INTS6L: variants seen among roughly 807,000 people sequenced by gnomAD.
The protein encoded by INTS6L is integrator complex subunit 6-like.
A neutral mutation model predicts 64.7 loss-of-function variants in INTS6L; 18 were observed. That is an observed-to-expected ratio of 0.28 (90% CI 0.19 to 0.41). INTS6L has a LOEUF of 0.41. Ranked by LOEUF, INTS6L falls within the 10% of genes least tolerant of loss-of-function variation. The probability of loss-of-function intolerance (pLI) is 1.00; values close to 1 mark genes in which losing one functional copy is unlikely to be tolerated. For missense variants in INTS6L, 533 were observed against 661.0 expected, an observed-to-expected ratio of 0.81 and a Z score of 2.12; for synonymous variants, 227 against 235.9, an observed-to-expected ratio of 0.96 and a Z score of 0.34.
At chrX:135,560,123 C>T (rs782467606) in intron 9 of INTS6L, among the ~76,000 whole-genome samples, 4 of 112,359 alleles carry the variant, frequency 3.6e-5, no homozygotes, top group Non-Finnish European at 5.6e-5. Context: ...TTTCCACTTA[C>T]AAATACGGTG....
chrX:135,572,876 G>T lies in INTS6L; in HGVS notation c.1460G>T (p.Gly487Val). The T allele has an allele frequency of 8.3e-7, 1 of 1,211,318 alleles. No homozygotes were observed. Among genetic ancestry groups the T allele is most frequent in the Non-Finnish European group, 1.1e-6 (1 of 895,378 alleles). The change falls in exon 12 of 18, where the codon GGA becomes GTA. Residue 487 changes from glycine to valine, a missense_variant. Gly to Val is a moderately radical substitution (Grantham distance 109). Transcript: ENST00000639893. ...GGGAAGAAACCTCCCCAGGAAATTG[G>T]AATTAAAGTGAAAAATCATTCTGGA... ...SVGKKPPQEI[G>V]IKVKNHSGGG...
At chrX:135,553,269 G>A in intron 8 of INTS6L, among the ~76,000 whole-genome samples, 1 of 110,437 alleles carries the variant, frequency 9.1e-6, no homozygotes. Context: ...GGAGATGTCT[G>A]GTTTTGTTCT....
At position 135,562,955 on chromosome X, in the gene INTS6L, T is replaced by G. The variant is rs181905932; in HGVS notation, c.1193-6382T>G. Among the ~76,000 whole-genome samples, 3 of 112,146 alleles carry G rather than the reference T, an allele frequency of 2.7e-5. No individual in the cohort carries two copies. The East Asian group carries it at 8.3e-4, about 31-fold the overall frequency. ...AATCTTTGTTTTCTAATTGATGTATTTAGATATCTGCATTTAATGTGATTA... is the reference window on the plus strand; with the variant it reads ...AATCTTTGTTTTCTAATTGATGTATGTAGATATCTGCATTTAATGTGATTA... On this transcript the variant is annotated intron_variant, in intron 9 of 17. Transcript: ENST00000639893.
chrX:135,529,105 T>A (rs184005382), intron 2 of INTS6L, among the ~76,000 whole-genome samples: 18 of 112,101 alleles, frequency 1.6e-4, no homozygotes, highest in Non-Finnish European at 3.2e-4. Flanking sequence ...TGTGAATGAA[T>A]GTAACTGCAG....
At chrX:135,552,889 A>G (rs189014859) in intron 8 of INTS6L, among the ~76,000 whole-genome samples, 73 of 112,474 alleles carry the variant, frequency 6.5e-4, no homozygotes, top group African/African-American at 2.2e-3. Context: ...CTATTAATAT[A>G]TAGGACTCTA....
Position 135,539,098 on chromosome X carries a change from C to T in INTS6L, c.190-6325C>T, listed in dbSNP as rs952749222. Among the ~76,000 whole-genome samples the T allele has an allele frequency of 5.3e-5, 6 of 112,194 alleles. No individual in the cohort carries two copies. The Admixed American group carries it at 5.7e-4, about 11-fold the overall frequency. Reference sequence around the variant, plus strand: ...GCTGCATTAGCCTCTAACAAAAAGTCAGCCTGTCCTTTGAGGCTTTGAAGT... The same window carrying T: ...GCTGCATTAGCCTCTAACAAAAAGTTAGCCTGTCCTTTGAGGCTTTGAAGT... On this transcript the variant is annotated intron_variant, in intron 2 of 17. Transcript: ENST00000639893.
Position 135,535,284 on chromosome X carries a change from A to G in INTS6L, c.190-10139A>G, listed in dbSNP as rs146224305. On this transcript the variant is annotated intron_variant, in intron 2 of 17. Transcript: ENST00000639893. ...CTTTATAGGTGTGCTAGCTGTAAAA[A>G]TCATTTTACAAAGATATTTCAACAG... 5.5e-3 allele frequency among the ~76,000 whole-genome samples: 617 copies of G among 112,325 alleles called. 3 individuals are homozygous for G. Among genetic ancestry groups the G allele is most frequent in the African/African-American group, 0.018 (550 of 30,912 alleles).
chrX:135,555,719 C>T lies in INTS6L; in HGVS notation c.1060-449C>T, dbSNP rs373531038. Among the ~76,000 whole-genome samples the T allele has an allele frequency of 4.5e-5, 5 of 111,429 alleles. No homozygotes were observed. The South Asian group carries it at 1.9e-3, about 42-fold the overall frequency. On this transcript the variant is annotated intron_variant, in intron 8 of 17. Coordinates refer to ENST00000639893, the MANE Select transcript of INTS6L (RefSeq NM_001351601.3). ...TAGGATTTTTTTTGAGACAGGGTCT[C>T]GCTCTGTCACCCAGGGTGGAGCGCA...
intron 8 of INTS6L, among the ~76,000 whole-genome samples, chrX:135,555,087 CCATGTTGGCCAGGCTGGT>C (rs2086613659): frequency 9.1e-6 from 1 of 109,458 alleles, no homozygotes; most frequent in African/African-American, 3.3e-5. Flanking sequence ...TGGGGTTTCA[CCATGTTGGCCAGGCTGGT>C]CTGGAACTCC....
At chrX:135,546,301 C>A in intron 3 of INTS6L, 79 bp from the exon 4 acceptor site, 1 of 613,062 alleles carries the variant, frequency 1.6e-6, no homozygotes, top group Non-Finnish European at 2.3e-6. Flanking sequence ...CTTGAGAGAT[C>A]ATTGGCAAGG....
At chrX:135,572,440 C>T (rs1404946397) in intron 11 of INTS6L, 3 of 125,410 alleles carry the variant, frequency 2.4e-5, no homozygotes, top group African/African-American at 6.5e-5. Flanking sequence ...CTAGTTTACA[C>T]GTATAAATAC....
chrX:135,575,792 GTGTGTGTGTGTGTGTGTA>G, intron 14 of INTS6L, among the ~76,000 whole-genome samples: 1 of 108,126 alleles, frequency 9.2e-6, no homozygotes, highest in African/African-American at 3.4e-5. Flanking sequence ...GGGAGTGTGT[GTGTGTGTGTGTGTGTGTA>G]TGTGTGTGTG....
chrX:135,544,599 C>A (rs1471148999), intron 2 of INTS6L, among the ~76,000 whole-genome samples: 11 of 110,342 alleles, frequency 1.0e-4, no homozygotes, highest in African/African-American at 3.0e-4. Context: ...CTGGCCCATT[C>A]CTCTGTGACT....
chrX:135,543,644 T>C (rs183790923), intron 2 of INTS6L, among the ~76,000 whole-genome samples: 9 of 112,041 alleles, frequency 8.0e-5, no homozygotes, highest in African/African-American at 2.9e-4. Flanking sequence ...CAGTAAAAAA[T>C]CTGTTGAATA....
chrX:135,574,231 A>C (rs782156546), intron 13 of INTS6L, among the ~76,000 whole-genome samples, 169 bp downstream of exon 13: 1 of 109,659 alleles, frequency 9.1e-6, no homozygotes, highest in Admixed American at 9.7e-5. Flanking sequence ...TTTTTTTTTC[A>C]AGTTTAAGGT....
chrX:135,581,191 C>A lies in INTS6L; in HGVS notation c.2588+48C>A, dbSNP rs1463821779. The A allele has an allele frequency of 8.7e-6, 8 of 916,557 alleles. No individual in the cohort carries two copies. In the East Asian group the frequency reaches 2.7e-4, roughly 31 times the overall value. The allele number at this position is 916,557 out of a possible 1,213,427, so 75.5% of individuals were successfully genotyped here. ...CAATTTTTTGTTTTTGTTTTTAGAG[C>A]AGTAGGGCCCAGTGCAGGAAAAAGA... On this transcript the variant is annotated intron_variant, in intron 17 of 17. Transcript: ENST00000639893.
chrX:135,572,817 C>T lies in INTS6L; in HGVS notation c.1401C>T (p.Thr467=), dbSNP rs373280783. Residue 467 remains threonine, a splice_region_variant and synonymous_variant, in exon 12 of 18, where the codon ACC becomes ACT. Transcript: ENST00000639893. ...ISYLKKLSQQ[T]KLESERILAS... ...CATACTATGTACTTTCATTTTAGACCAAACTAGAGTCAGAACGAATACTAG... is the reference window on the plus strand; with the variant it reads ...CATACTATGTACTTTCATTTTAGACTAAACTAGAGTCAGAACGAATACTAG... 1 of 1,203,794 alleles carries T rather than the reference C, an allele frequency of 8.3e-7. No individual in the cohort carries two copies. Among genetic ancestry groups the T allele is most frequent in the Non-Finnish European group, 1.1e-6 (1 of 892,016 alleles).
At chrX:135,559,877 A>G (rs936694018) in intron 9 of INTS6L, among the ~76,000 whole-genome samples, 4 of 111,941 alleles carry the variant, frequency 3.6e-5, no homozygotes, top group Non-Finnish European at 7.5e-5. Flanking sequence ...TTTAATTTGT[A>G]TTTCCCTAAT....
chrX:135,554,931 C>A (rs1215866792), intron 8 of INTS6L, among the ~76,000 whole-genome samples: 2 of 74,211 alleles, frequency 2.7e-5, no homozygotes, highest in African/African-American at 1.1e-4. Flanking sequence ...TGCTCTGTTG[C>A]CCAGGCTGGA....
Sources: allele counts gnomAD v4.1 joint callset (sites outside exome capture counted in the v4.1 genomes callset), GRCh38; gene constraint gnomAD v4.1.1; transcripts MANE v1.5; gene names NCBI Gene and HGNC (gene_info 2026-07-23, HGNC 2026-07-21).